Variants in EIF4G1 observed in about 807,000 individuals in gnomAD.
EIF4G1 encodes eukaryotic translation initiation factor 4 gamma 1.
In EIF4G1, 4 loss-of-function variants were observed where a neutral mutation model predicts 187.8. That is an observed-to-expected ratio of 0.02 (90% CI 0.01 to 0.05). The LOEUF (loss-of-function observed/expected upper bound fraction) is 0.05, where lower values mean the gene tolerates loss of function less well. Among genes scored for constraint, EIF4G1 ranks in the 10% least tolerant of loss-of-function variants. The probability of loss-of-function intolerance (pLI) is 1.00; values close to 1 mark genes in which losing one functional copy is unlikely to be tolerated. For synonymous variants in EIF4G1, 844 were observed against 781.4 expected (o/e 1.08, Z -1.34); for missense variants, 1,647 against 2,081.1 (o/e 0.79, Z 4.06).
chr3:184,324,445 CTTGGGG>C lies in EIF4G1; in HGVS notation c.2619+99_2619+104del. On this transcript the variant is annotated intron_variant, in intron 17 of 32. Transcript: ENST00000346169. ...GAATTTGGAATGGAGGTAGTGGTGTCTTGGGGATTTCTCTGGCTCAGGACGTTTTTT... is the reference window on the plus strand; with the variant it reads ...GAATTTGGAATGGAGGTAGTGGTGTCATTTCTCTGGCTCAGGACGTTTTTT... The C allele has an allele frequency of 3.6e-5, 56 of 1,571,738 alleles. 1 individual carries two copies. In the Middle Eastern group the frequency reaches 8.2e-3, roughly 231 times the overall value.
chr3:184,327,105 G>T, intron 23 of EIF4G1, 111 bp from the exon 24 acceptor site: 1 of 1,565,070 alleles, frequency 6.4e-7, no homozygotes, highest in Non-Finnish European at 8.8e-7. Flanking sequence ...GTTAGATTGG[G>T]GCATACTCAT....
chr3:184,320,781 C>T, intron 8 of EIF4G1, 59 bp downstream of exon 8: 1 of 1,610,544 alleles, frequency 6.2e-7, no homozygotes, highest in Non-Finnish European at 8.5e-7. Context: ...CCTGGACTCC[C>T]AAGTCCCTGG....
In EIF4G1 at chr3:184,323,781, A is replaced by G. The variant is rs1328069246; in HGVS notation, c.2276A>G (p.Asp759Gly). 1.6e-5 allele frequency: 26 copies of G among 1,613,610 alleles called. No homozygotes were observed. The highest frequency in any genetic ancestry group is 2.0e-5 in the Non-Finnish European group (24 of 1,180,042). ...AACTCTTGTCTCTTCTCCCTCCAGGACCTATTCCGCAGGGTGCGCTCCATC... is the reference window on the plus strand; with the variant it reads ...AACTCTTGTCTCTTCTCCCTCCAGGGCCTATTCCGCAGGGTGCGCTCCATC... The part of the protein sequence containing the change: ...EEDADGSKTQ[D>G]LFRRVRSILN... Residue 759 changes from aspartate to glycine, a missense_variant and splice_region_variant, in exon 16 of 33, where the codon GAC (aspartate) becomes GGC (glycine). Asp to Gly is a moderately conservative substitution (Grantham distance 94). This residue lies in a region of EIF4G1 where 140 missense variants were observed against 222.2 expected (regional missense o/e 0.63). Transcript: ENST00000346169. This position sits in a 1 kb window ranked among gnomAD's most constrained non-coding sequence, Gnocchi z 6.9.
chr3:184,331,716 T>G lies in EIF4G1; in HGVS notation c.4396-12T>G. 6.2e-7 allele frequency: 1 copy of G among 1,614,172 alleles called. No homozygotes were observed. The highest frequency in any genetic ancestry group is 8.5e-7 in the Non-Finnish European group (1 of 1,180,032). ...ATTCAGAATCTGGGGATCATTTGTT[T>G]CTCCCATACAGGCCAACCTGAGTGA... On this transcript the variant is annotated splice_polypyrimidine_tract_variant and intron_variant, in intron 30 of 32. Coordinates refer to ENST00000346169, the MANE Select transcript of EIF4G1 (RefSeq NM_198241.3).
Position 184,323,575 on chromosome 3 carries a change from T to C in EIF4G1, c.2256T>C (p.Ala752=), listed in dbSNP as rs770318142. Residue 752 remains alanine (A), a synonymous_variant, in exon 15 of 33, where the codon GCT becomes GCC. Transcript: ENST00000346169. This position sits in a 1 kb window ranked among gnomAD's most constrained non-coding sequence, Gnocchi z 6.9. ...ATAAGGATCGAGGGGAAGAAGATGC[T>C]GATGGCAGCAAAACCCAGGTACTGG... ...AADKDRGEED[A]DGSKTQDLFR... 77 of 1,614,006 alleles carry C rather than the reference T, an allele frequency of 4.8e-5. No individual in the cohort carries two copies. The highest frequency in any genetic ancestry group is 6.3e-5 in the Non-Finnish European group (74 of 1,180,048).
intron 28 of EIF4G1, among the ~76,000 whole-genome samples, chr3:184,330,024 T>C (rs995514368): frequency 1.1e-4 from 16 of 152,232 alleles, no homozygotes; most frequent in Non-Finnish European, 2.9e-5. Flanking sequence ...AATAAGCATA[T>C]TGAACTATTT....
intron 28 of EIF4G1, among the ~76,000 whole-genome samples, chr3:184,330,371 T>C (rs749162593): frequency 6.6e-6 from 1 of 152,028 alleles, no homozygotes; most frequent in East Asian, 1.9e-4. Flanking sequence ...AGAGCAAGAC[T>C]CTGTCTCAAA....
In EIF4G1 at chr3:184,327,295, C is replaced by A. The variant is rs755617952; in HGVS notation, c.3508C>A (p.Arg1170Ser). ...RLERSERGGD[R>S]GDRLDRARTP... ...AGAGCGGAGTGAACGGGGAGGGGAC[C>A]GTGGGGACCGGCTTGATCGTGCGCG... is the stretch of plus-strand genomic sequence containing the variant. Residue 1170 changes from arginine to serine, a missense_variant, in exon 24 of 33, where the codon CGT (arginine) becomes AGT (serine). Arg to Ser is a moderately radical substitution (Grantham distance 110). Transcript: ENST00000346169. 2 of 1,613,780 alleles carry A rather than the reference C, an allele frequency of 1.2e-6. No individual in the cohort carries two copies. Among genetic ancestry groups the A allele is most frequent in the Middle Eastern group, 1.7e-4 (1 of 5,908 alleles).
Position 184,323,105 on chromosome 3 carries a change from C to A in EIF4G1, c.1952C>A (p.Pro651Gln). ...CAGGCCAATAAAACACCACTGCGGC[C>A]ACTGGATCCCACTAGACTACAAGGC... The part of the protein sequence containing the change: ...LDKANKTPLR[P>Q]LDPTRLQGIN... Residue 651 changes from proline to glutamine, a missense_variant, in exon 14 of 33, where the codon CCA becomes CAA. Around this residue, in one of 11 missense-constraint regions of EIF4G1, gnomAD observed 140 missense variants for 222.2 expected, o/e 0.63. Transcript: ENST00000346169. The surrounding 1 kb of genome is among the most constrained non-coding windows in gnomAD (Gnocchi z 6.9). 6.2e-7 allele frequency: 1 copy of A among 1,614,218 alleles called. No homozygotes were observed. Among genetic ancestry groups the A allele is most frequent in the Non-Finnish European group, 8.5e-7 (1 of 1,180,042 alleles).
rs1560224187 is a variant in EIF4G1 at position 184,327,288 on chromosome 3, A to G, written c.3501A>G (p.Gly1167=). ...ACCGCCTAGAGCGGAGTGAACGGGGAGGGGACCGTGGGGACCGGCTTGATC... is the reference window on the plus strand; with the variant it reads ...ACCGCCTAGAGCGGAGTGAACGGGGGGGGGACCGTGGGGACCGGCTTGATC... ...RGDRLERSER[G]GDRGDRLDRA... The change falls in exon 24 of 33, where the codon GGA becomes GGG. Residue 1167 remains glycine, a synonymous_variant. Coordinates refer to ENST00000346169, the MANE Select transcript of EIF4G1 (RefSeq NM_198241.3). The G allele has an allele frequency of 1.2e-6, 2 of 1,613,876 alleles. No individual in the cohort carries two copies. The highest frequency in any genetic ancestry group is 1.7e-5 in the Admixed American group (1 of 60,032).
chr3:184,330,985 C>A (rs1056343592), intron 28 of EIF4G1, among the ~76,000 whole-genome samples: 3 of 152,146 alleles, frequency 2.0e-5, no homozygotes, highest in African/African-American at 7.2e-5. Context: ...GGTGATCCGC[C>A]CACCTCGACC....
intron 28 of EIF4G1, among the ~76,000 whole-genome samples, chr3:184,330,912 G>C (rs193130083): frequency 6.6e-6 from 1 of 152,156 alleles, no homozygotes; most frequent in East Asian, 1.9e-4. Flanking sequence ...GCTAATTTTT[G>C]TATTTTCTGT....
rs1560223840 is a variant in EIF4G1 at position 184,327,209 on chromosome 3, C to T, written c.3429-7C>T. On this transcript the variant is annotated splice_polypyrimidine_tract_variant and splice_region_variant and intron_variant, in intron 23 of 32. Coordinates refer to ENST00000346169, the MANE Select transcript of EIF4G1 (RefSeq NM_198241.3). ...AGTGAGTGAAAATTTGTCTGTCTGT[C>T]TTCCAGGAGTAGCTTGAGCCGAGAA... The T allele has an allele frequency of 6.2e-7, 1 of 1,612,526 alleles. No homozygotes were observed. Among genetic ancestry groups the T allele is most frequent in the African/African-American group, 1.3e-5 (1 of 75,016 alleles).
intron 3 of EIF4G1, 106 bp downstream of exon 3, chr3:184,315,962 G>C: frequency 1.3e-6 from 2 of 1,510,656 alleles, no homozygotes; most frequent in Non-Finnish European, 1.8e-6. Context: ...GCAGCCGCCT[G>C]CTGCCAAATT....
At chr3:184,315,446 G>A in intron 1 of EIF4G1, 43 bp from the exon 2 acceptor site, 2 of 577,652 alleles carry the variant, frequency 3.5e-6, no homozygotes, top group South Asian at 2.8e-5. Context: ...GTTGGTCTGG[G>A]GCCCCGCGGA....
chr3:184,324,403 G>C, intron 17 of EIF4G1, 56 bp downstream of exon 17: 2 of 1,611,742 alleles, frequency 1.2e-6, no homozygotes, highest in Non-Finnish European at 1.7e-6. Context: ...CCCTTACCCA[G>C]ATGCTACTCA....
chr3:184,319,824 G>C lies in EIF4G1; in HGVS notation c.537+23G>C, dbSNP rs766398718. ...ACGGTGAGTAGCAGTGAGGGGCTCC[G>C]GGACATCTGGGAAGGGGAGAATCAA... On this transcript the variant is annotated intron_variant, in intron 7 of 32. Coordinates refer to ENST00000346169, the MANE Select transcript of EIF4G1 (RefSeq NM_198241.3). 3.4e-6 allele frequency: 5 copies of C among 1,482,952 alleles called. No individual in the cohort carries two copies. The African/African-American group carries it at 6.9e-5, about 20-fold the overall frequency. The allele number at this position is 1,482,952 out of a possible 1,614,324, so 91.9% of individuals were successfully genotyped here.
intron 2 of EIF4G1, 88 bp from the exon 3 acceptor site, chr3:184,315,675 A>T: frequency 6.1e-6 from 6 of 975,856 alleles, no homozygotes; most frequent in Non-Finnish European, 9.7e-6. Flanking sequence ...TCCGTATGGG[A>T]CCCAGCCCTT....
intron 26 of EIF4G1, 39 bp downstream of exon 26, chr3:184,328,041 C>T: frequency 6.3e-7 from 1 of 1,595,488 alleles, no homozygotes; most frequent in Non-Finnish European, 8.5e-7. Flanking sequence ...TTATACAGAC[C>T]CACAATTTTC....
Sources: allele counts gnomAD v4.1 joint callset (sites outside exome capture counted in the v4.1 genomes callset), GRCh38; gene constraint gnomAD v4.1.1; regional missense constraint gnomAD v4.1.1; non-coding constraint Gnocchi (gnomAD v3.1); transcripts MANE v1.5; gene names NCBI Gene and HGNC (gene_info 2026-07-23, HGNC 2026-07-21).